Variants in C2orf76 observed in about 807,000 individuals in gnomAD.
The protein encoded by C2orf76 is UPF0538 protein C2orf76.
Under a neutral mutation model 16.9 loss-of-function variants are expected in C2orf76, and 23 were observed. The observed-to-expected ratio is 1.36, with a 90% CI of 0.98 to 1.93. The LOEUF is 1.93. Among genes scored for constraint, C2orf76 ranks in the 30% most tolerant of loss-of-function variants. The pLI, the probability that C2orf76 is intolerant of heterozygous loss-of-function variation, is 0.00. For missense variants in C2orf76, 152 were observed against 152.6 expected (o/e 1.00, Z 0.02); for synonymous variants, 48 against 52.3 (o/e 0.92, Z 0.35).
At chr2:119,356,100 C>T (rs1363217967) in intron 1 of C2orf76, among the ~76,000 whole-genome samples, 3 of 152,104 alleles carry the variant, frequency 2.0e-5, no homozygotes, top group Non-Finnish European at 4.4e-5. Flanking sequence ...GGACCAAAGA[C>T]GAAGTCTCAA....
intron 1 of C2orf76, among the ~76,000 whole-genome samples, chr2:119,350,562 C>A (rs1434782881): frequency 6.6e-6 from 1 of 152,310 alleles, no homozygotes; most frequent in South Asian, 2.1e-4. Context: ...AGTCCCAGTT[C>A]GATGGCCAGT....
intron 1 of C2orf76, among the ~76,000 whole-genome samples, chr2:119,350,512 A>G (rs1336008072): frequency 6.6e-6 from 1 of 152,180 alleles, no homozygotes. Flanking sequence ...CTTACAAACA[A>G]AGCAAACACA....
intron 2 of C2orf76, among the ~76,000 whole-genome samples, chr2:119,331,286 C>A: frequency 6.6e-6 from 1 of 152,184 alleles, no homozygotes; most frequent in Non-Finnish European, 1.5e-5. Flanking sequence ...TGCTCTACTA[C>A]TGCAGCAACA....
chr2:119,295,069 G>A, the C2orf76 span, among the ~76,000 whole-genome samples: 1 of 152,170 alleles, frequency 6.6e-6, no homozygotes, highest in Non-Finnish European at 1.5e-5. Flanking sequence ...AGACGGTGTT[G>A]TGGACTAGGG....
At chr2:119,288,186 T>C in the C2orf76 span, among the ~76,000 whole-genome samples, 1 of 147,094 alleles carries the variant, frequency 6.8e-6, no homozygotes, top group Non-Finnish European at 1.5e-5. Context: ...AGACAGAGTC[T>C]CACTCTGTCG....
chr2:119,318,914 T>C (rs1009797098), intron 3 of C2orf76, among the ~76,000 whole-genome samples: 1 of 151,980 alleles, frequency 6.6e-6, no homozygotes, highest in Non-Finnish European at 1.5e-5. Flanking sequence ...AAAATATGCA[T>C]ATTAGGGATG....
chr2:119,355,361 G>A (rs191595279), intron 1 of C2orf76, among the ~76,000 whole-genome samples: 16 of 152,282 alleles, frequency 1.1e-4, no homozygotes, highest in East Asian at 1.9e-4. Flanking sequence ...TGTACATAGC[G>A]AACAGCTTAG....
intron 3 of C2orf76, 108 bp from the exon 4 acceptor site, chr2:119,317,611 G>T: frequency 2.6e-6 from 2 of 768,412 alleles, no homozygotes; most frequent in Non-Finnish European, 4.2e-6. Context: ...GTAAGTCCTT[G>T]TTTTATAACC....
chr2:119,311,801 A>C (rs1679000981), intron 4 of C2orf76, 98 bp from the exon 5 acceptor site: 1 of 1,125,076 alleles, frequency 8.9e-7, no homozygotes, highest in East Asian at 2.6e-5. Context: ...TGAGCACAGC[A>C]ATAATCTAAG....
At chr2:119,319,624 G>A (rs1176376516) in intron 3 of C2orf76, among the ~76,000 whole-genome samples, 4 of 152,104 alleles carry the variant, frequency 2.6e-5, no homozygotes, top group African/African-American at 9.7e-5. Context: ...ATGTCTAGGC[G>A]ATAGGGATTT....
the C2orf76 span, among the ~76,000 whole-genome samples, chr2:119,291,227 G>A: frequency 3.9e-5 from 6 of 151,942 alleles, no homozygotes; most frequent in African/African-American, 9.7e-5. Context: ...GGCATTAATC[G>A]GCTGGTGCCT....
At chr2:119,316,889 A>G (rs1268104930) in intron 4 of C2orf76, among the ~76,000 whole-genome samples, 1 of 152,242 alleles carries the variant, frequency 6.6e-6, no homozygotes, top group East Asian at 1.9e-4. Context: ...GTTACTCTAA[A>G]AAAGTAAAAA....
the C2orf76 span, among the ~76,000 whole-genome samples, chr2:119,286,800 C>T: frequency 6.6e-6 from 1 of 151,922 alleles, no homozygotes; most frequent in Admixed American, 6.6e-5. Flanking sequence ...AATGATGAGG[C>T]CCAAAGCAGG....
At chr2:119,345,809 C>A (rs946181531) in intron 1 of C2orf76, among the ~76,000 whole-genome samples, 1 of 152,076 alleles carries the variant, frequency 6.6e-6, no homozygotes, top group South Asian at 2.1e-4. Flanking sequence ...CGCCTGTAAT[C>A]CCAGCACTTT....
In C2orf76 at chr2:119,311,663, A is replaced by T; in HGVS notation, c.263T>A (p.Leu88His). ...LVLSLEDDER[L>H]LLKEDSTLKA... ...CAGAGTGCTGTCTTCTTTCAGCAGG[A>T]GTCTTTCGTCATCTTCCAAACTCAA... The change falls in exon 5 of 6, where the codon CTC becomes CAC. Residue 88 changes from leucine (L) to histidine (H), a missense_variant. Coordinates refer to ENST00000334816, the MANE Select transcript of C2orf76 (RefSeq NM_001322331.2). The T allele has an allele frequency of 6.2e-7, 1 of 1,613,028 alleles. No homozygotes were observed. The highest frequency in any genetic ancestry group is 2.2e-5 in the East Asian group (1 of 44,862).
intron 1 of C2orf76, among the ~76,000 whole-genome samples, chr2:119,353,009 T>C (rs1680451860): frequency 6.6e-6 from 1 of 152,130 alleles, no homozygotes; most frequent in Admixed American, 6.5e-5. Flanking sequence ...GGAAACTAAA[T>C]TGGCAAAGGT....
intron 4 of C2orf76, 59 bp from the exon 5 acceptor site, chr2:119,311,762 G>C (rs981557235): frequency 2.1e-5 from 31 of 1,456,962 alleles, no homozygotes; most frequent in African/African-American, 2.8e-5. Context: ...TGTTTGGTGA[G>C]ACTTCTCAAA....
At chr2:119,306,183 C>T (rs1044085397) in intron 5 of C2orf76, among the ~76,000 whole-genome samples, 1 of 152,080 alleles carries the variant, frequency 6.6e-6, no homozygotes, top group Non-Finnish European at 1.5e-5. Context: ...AGGAAGAAAA[C>T]ACGCATGACC....
downstream of C2orf76, among the ~76,000 whole-genome samples, chr2:119,301,291 A>G (rs559121800): frequency 2.7e-4 from 41 of 152,360 alleles, no homozygotes; most frequent in South Asian, 6.4e-3. Flanking sequence ...CAATGAATAA[A>G]ATAAGTAGAA....
Sources: allele counts gnomAD v4.1 joint callset (sites outside exome capture counted in the v4.1 genomes callset), GRCh38; gene constraint gnomAD v4.1.1; transcripts MANE v1.5; gene names NCBI Gene and HGNC (gene_info 2026-07-23, HGNC 2026-07-21).